Variants in ARHGEF3 observed in about 807,000 individuals in gnomAD.
ARHGEF3 encodes 59.8 kDA protein.
ARHGEF3 carries 28 observed loss-of-function variants against 63.2 expected under a neutral mutation model. The observed-to-expected ratio is 0.44, with a 90% CI of 0.33 to 0.61. ARHGEF3 has a LOEUF of 0.61. ARHGEF3 is among the 20% of genes least tolerant of loss of function. The probability of loss-of-function intolerance (pLI) is 0.03; values close to 1 mark genes in which losing one functional copy is unlikely to be tolerated. For missense variants in ARHGEF3, 533 were observed against 659.3 expected (o/e 0.81, Z 2.10); for synonymous variants, 266 against 254.2 (o/e 1.05, Z -0.44).
rs548095423 is a variant in ARHGEF3, at chr3:56,980,215, T to C, written c.63-21326A>G. On this transcript the variant is annotated intron_variant, in intron 2 of 12. Transcript: ENST00000338458. The stretch of plus-strand genomic sequence containing the variant: ...TTGCTTATGCCACATTGTGAAAATA[T>C]AGAATTATCTGGATTTGGCACCTTA... 9.2e-5 allele frequency among the ~76,000 whole-genome samples: 14 copies of C among 152,336 alleles called. No homozygotes were observed. The South Asian group carries it at 2.7e-3, about 29-fold the overall frequency.
chr3:57,070,146 G>A (rs529548841), intron 1 of ARHGEF3, among the ~76,000 whole-genome samples: 1 of 152,236 alleles, frequency 6.6e-6, no homozygotes, highest in African/African-American at 2.4e-5. Flanking sequence ...TCACCACCTG[G>A]TGCCTCCAGG....
At chr3:56,859,621 C>T (rs1373463000) in intron 4 of ARHGEF3, among the ~76,000 whole-genome samples, 1 of 151,406 alleles carries the variant, frequency 6.6e-6, no homozygotes, top group African/African-American at 2.4e-5. Context: ...CAACTTTCAC[C>T]TCCCAGGCTA....
At chr3:56,871,300 TC>T (rs1441336374) in intron 4 of ARHGEF3, among the ~76,000 whole-genome samples, 2 of 152,182 alleles carry the variant, frequency 1.3e-5, no homozygotes, top group Non-Finnish European at 2.9e-5. Flanking sequence ...CATATTCATC[TC>T]TAAAAAATAA....
At chr3:56,916,243 C>T in intron 3 of ARHGEF3, 1 of 1,508,540 alleles carries the variant, frequency 6.6e-7, no homozygotes, top group Non-Finnish European at 8.8e-7. Flanking sequence ...ATCCTGGCAC[C>T]ACCCCACCCG....
At chr3:56,973,358 G>A (rs181122313) in intron 2 of ARHGEF3, among the ~76,000 whole-genome samples, 1 of 152,220 alleles carries the variant, frequency 6.6e-6, no homozygotes, top group East Asian at 1.9e-4. Context: ...TATCTACTGT[G>A]GATTAAGTAC....
chr3:57,016,829 G>C (rs1332246880), intron 2 of ARHGEF3, among the ~76,000 whole-genome samples: 1 of 151,964 alleles, frequency 6.6e-6, no homozygotes, highest in Non-Finnish European at 1.5e-5. Flanking sequence ...CTTCTTTGTG[G>C]AGTGCAGCTG....
At chr3:56,978,846 G>A (rs527920205) in intron 2 of ARHGEF3, among the ~76,000 whole-genome samples, 14 of 152,274 alleles carry the variant, frequency 9.2e-5, no homozygotes, top group African/African-American at 3.1e-4. Context: ...GCCAACAATA[G>A]GAACCAGTTA....
chr3:56,834,636 T>C (rs766563693), intron 4 of ARHGEF3, among the ~76,000 whole-genome samples: 11 of 151,506 alleles, frequency 7.3e-5, no homozygotes, highest in Non-Finnish European at 1.5e-4. Flanking sequence ...GGCACATGCC[T>C]GTAATCCCAG....
intron 3 of ARHGEF3, among the ~76,000 whole-genome samples, chr3:56,952,814 G>A (rs1699872361): frequency 6.6e-6 from 1 of 152,044 alleles, no homozygotes; most frequent in Non-Finnish European, 1.5e-5. Flanking sequence ...AAATAAAGTC[G>A]AAGAGAGTAG....
intron 3 of ARHGEF3, among the ~76,000 whole-genome samples, chr3:56,949,239 C>T (rs564463262): frequency 1.3e-5 from 2 of 152,114 alleles, no homozygotes; most frequent in East Asian, 3.9e-4. Context: ...TGCCCTCTCT[C>T]ACCACTCCTA....
At chr3:56,768,771 A>G (rs2035853970) in intron 2 of ARHGEF3, among the ~76,000 whole-genome samples, 1 of 152,182 alleles carries the variant, frequency 6.6e-6, no homozygotes, top group African/African-American at 2.4e-5. Flanking sequence ...CAACTCCCCC[A>G]GGAGGCTGTA....
chr3:56,868,415 G>A (rs148643819), intron 4 of ARHGEF3, among the ~76,000 whole-genome samples: 7 of 150,386 alleles, frequency 4.7e-5, no homozygotes, highest in African/African-American at 1.7e-4. Flanking sequence ...CTGGAGTGCA[G>A]TGTGGTGCGA....
chr3:56,832,296 T>C (rs148108540), intron 4 of ARHGEF3, among the ~76,000 whole-genome samples: 1 of 152,238 alleles, frequency 6.6e-6, no homozygotes, highest in South Asian at 2.1e-4. Flanking sequence ...ATTTAACAAC[T>C]CAACATTTTG....
At chr3:56,740,873 T>C (rs903555446) in intron 7 of ARHGEF3, among the ~76,000 whole-genome samples, 1 of 152,238 alleles carries the variant, frequency 6.6e-6, no homozygotes, top group African/African-American at 2.4e-5. Flanking sequence ...GAAGATGCGC[T>C]ATAGTCATAA....
At chr3:57,033,060 GAC>G (rs1703797300) in intron 2 of ARHGEF3, among the ~76,000 whole-genome samples, 1 of 152,132 alleles carries the variant, frequency 6.6e-6, no homozygotes, top group Non-Finnish European at 1.5e-5. Context: ...ACCACAGAAA[GAC>G]ACAATCATTC....
chr3:56,903,580 C>T (rs994342235), intron 3 of ARHGEF3, among the ~76,000 whole-genome samples: 1 of 152,192 alleles, frequency 6.6e-6, no homozygotes, highest in African/African-American at 2.4e-5. Context: ...TAACAGACAC[C>T]ACCCATACCC....
At chr3:56,762,241 G>T (rs2035461917) in intron 2 of ARHGEF3, among the ~76,000 whole-genome samples, 1 of 152,160 alleles carries the variant, frequency 6.6e-6, no homozygotes, top group African/African-American at 2.4e-5. Flanking sequence ...CACATACATA[G>T]ATCTCCCTGG....
chr3:56,775,589 T>G, intron 1 of ARHGEF3: 1 of 985,774 alleles, frequency 1.0e-6, no homozygotes. Flanking sequence ...AGGATGAATC[T>G]CCCAAGATGA....
At chr3:56,951,369 A>C (rs1699805517) in intron 3 of ARHGEF3, among the ~76,000 whole-genome samples, 1 of 151,996 alleles carries the variant, frequency 6.6e-6, no homozygotes, top group Non-Finnish European at 1.5e-5. Flanking sequence ...AGCAGCCATC[A>C]TCATTGAGGC....
Sources: allele counts gnomAD v4.1 joint callset (sites outside exome capture counted in the v4.1 genomes callset), GRCh38; gene constraint gnomAD v4.1.1; transcripts MANE v1.5; gene names NCBI Gene and HGNC (gene_info 2026-07-23, HGNC 2026-07-21).